Variants in HDAC9 observed in about 807,000 individuals in gnomAD.
HDAC9 encodes MEF-2 interacting transcription repressor (MITR) protein.
Under a neutral mutation model 139.4 loss-of-function variants are expected in HDAC9, and 41 were observed. That is an observed-to-expected ratio of 0.29 (90% CI 0.23 to 0.38). The LOEUF is 0.38. Among genes scored for constraint, HDAC9 ranks in the 10% least tolerant of loss-of-function variants. The probability of loss-of-function intolerance (pLI) is 1.00; values close to 1 mark genes in which losing one functional copy is unlikely to be tolerated. For synonymous variants in HDAC9, 517 were observed against 476.2 expected, an observed-to-expected ratio of 1.09 and a Z score of -1.12; for missense variants, 1,147 against 1,297.0, an observed-to-expected ratio of 0.88 and a Z score of 1.78.
intron 6 of HDAC9, among the ~76,000 whole-genome samples, chr7:18,623,895 C>T (rs981003225): frequency 3.3e-5 from 5 of 152,060 alleles, no homozygotes; most frequent in East Asian, 1.9e-4. Context: ...GCCAAGATCA[C>T]GGCACTGCAT....
rs801517 is a variant in HDAC9 at position 18,614,153 on chromosome 7, A to T, written c.665-15197A>T. ...GAATAGGTTGATCAGGACTGCCTTCATTTTTTTTCCTCTAAGTTCTTTTAT... is the reference window on the plus strand; with the variant it reads ...GAATAGGTTGATCAGGACTGCCTTCTTTTTTTTTCCTCTAAGTTCTTTTAT... On this transcript the variant is annotated intron_variant, in intron 6 of 25. Transcript: ENST00000686413. Among the ~76,000 whole-genome samples, 938 of 151,752 alleles carry T rather than the reference A, an allele frequency of 6.2e-3. 13 individuals are homozygous for T. Among genetic ancestry groups the T allele is most frequent in the African/African-American group, 0.022 (896 of 41,378 alleles).
chr7:18,678,072 G>A (rs1781637530), intron 12 of HDAC9, among the ~76,000 whole-genome samples: 1 of 151,744 alleles, frequency 6.6e-6, no homozygotes, highest in African/African-American at 2.4e-5. Flanking sequence ...TTGCTCCTTT[G>A]AATTATTCTG....
intron 17 of HDAC9, among the ~76,000 whole-genome samples, chr7:18,810,349 AG>A (rs1794079399): frequency 1.3e-5 from 2 of 151,930 alleles, no homozygotes; most frequent in Admixed American, 6.6e-5. Context: ...TTGCTATTTA[AG>A]GTAACATTCA....
chr7:18,832,938 G>A (rs1190488983), intron 19 of HDAC9, among the ~76,000 whole-genome samples: 1 of 152,096 alleles, frequency 6.6e-6, no homozygotes, highest in African/African-American at 2.4e-5. Context: ...GTTTCTCCAT[G>A]TAGGTCAGGC....
At chr7:18,721,726 A>G (rs901193726) in intron 12 of HDAC9, among the ~76,000 whole-genome samples, 12 of 152,220 alleles carry the variant, frequency 7.9e-5, no homozygotes, top group African/African-American at 2.9e-4. Flanking sequence ...GCAACAAGAA[A>G]GCAAAGCAAA....
At chr7:18,514,741 A>G (rs1196984981) in intron 2 of HDAC9, among the ~76,000 whole-genome samples, 2 of 152,108 alleles carry the variant, frequency 1.3e-5, no homozygotes, top group East Asian at 3.8e-4. Context: ...GGAGTTTGAG[A>G]CTATCCAGGG....
chr7:18,200,190 A>T (rs570530599), intron 2 of HDAC9, among the ~76,000 whole-genome samples: 30 of 152,226 alleles, frequency 2.0e-4, no homozygotes, highest in African/African-American at 7.2e-4. Context: ...TTAAAAATAC[A>T]CAGGTCTGTT....
chr7:18,377,824 T>C (rs1480240741), intron 1 of HDAC9, among the ~76,000 whole-genome samples: 3 of 152,204 alleles, frequency 2.0e-5, no homozygotes, highest in Non-Finnish European at 4.4e-5. Context: ...TCTGCAGTTA[T>C]CCATACAAAG....
At chr7:18,318,896 C>T (rs975603088) in intron 1 of HDAC9, among the ~76,000 whole-genome samples, 2 of 152,134 alleles carry the variant, frequency 1.3e-5, no homozygotes, top group Admixed American at 6.5e-5. Flanking sequence ...CAGACTTTTG[C>T]TCCTCAAAGT....
At chr7:18,891,595 G>A (rs1800685904) in intron 22 of HDAC9, among the ~76,000 whole-genome samples, 1 of 152,162 alleles carries the variant, frequency 6.6e-6, no homozygotes, top group Admixed American at 6.5e-5. Flanking sequence ...AAGGATGGTG[G>A]CAAGTCTGGC....
chr7:18,345,046 G>C (rs1404803831), intron 1 of HDAC9, among the ~76,000 whole-genome samples: 2 of 151,936 alleles, frequency 1.3e-5, no homozygotes, highest in African/African-American at 4.8e-5. Flanking sequence ...GGAAATAAGA[G>C]AAGATGAAGT....
chr7:18,567,687 T>C (rs1280895361), intron 2 of HDAC9, among the ~76,000 whole-genome samples: 1 of 152,152 alleles, frequency 6.6e-6, no homozygotes, highest in Non-Finnish European at 1.5e-5. Context: ...TAAATATTTT[T>C]CCCATAGTTT....
intron 12 of HDAC9, among the ~76,000 whole-genome samples, chr7:18,707,838 A>G (rs1784047405): frequency 6.9e-6 from 1 of 145,422 alleles, no homozygotes; most frequent in Non-Finnish European, 1.5e-5. Flanking sequence ...TGAAGGGAAC[A>G]CAGGGAGGGG....
chr7:18,708,541 G>T (rs1003525858), intron 12 of HDAC9, among the ~76,000 whole-genome samples: 14 of 152,176 alleles, frequency 9.2e-5, no homozygotes, highest in African/African-American at 2.9e-4. Flanking sequence ...ATTATTTTGA[G>T]TGCCTGAAGT....
At chr7:18,785,119 G>C (rs929196) in intron 16 of HDAC9, among the ~76,000 whole-genome samples, 119,152 of 151,948 alleles carry the variant, frequency 0.78, 47,441 homozygotes, top group Non-Finnish European at 0.85. Flanking sequence ...GTATTAAGGA[G>C]TGGTAAGGTG....
At chr7:18,755,374 A>C (rs999458242) in intron 14 of HDAC9, among the ~76,000 whole-genome samples, 4 of 152,170 alleles carry the variant, frequency 2.6e-5, no homozygotes, top group Non-Finnish European at 5.9e-5. Context: ...TTCTGAGTCC[A>C]TTTGGAAAGT....
At chr7:18,456,307 A>C (rs1793341136) in intron 1 of HDAC9, among the ~76,000 whole-genome samples, 1 of 151,836 alleles carries the variant, frequency 6.6e-6, no homozygotes, top group Admixed American at 6.6e-5. Context: ...TGTGATCTCC[A>C]CTCACTGCAA....
At chr7:18,699,400 G>C (rs1418322938) in intron 12 of HDAC9, among the ~76,000 whole-genome samples, 1 of 151,998 alleles carries the variant, frequency 6.6e-6, no homozygotes, top group African/African-American at 2.4e-5. Context: ...TTGTGTGTGT[G>C]TGTACGTGTG....
At chr7:18,572,184 T>C (rs763868766) in intron 2 of HDAC9, among the ~76,000 whole-genome samples, 9 of 151,758 alleles carry the variant, frequency 5.9e-5, no homozygotes, top group Non-Finnish European at 1.0e-4. Flanking sequence ...TATACTAGGT[T>C]CCGGAGTTAT....
Sources: gnomAD v4.1 joint callset for allele counts (sites outside exome capture counted in the v4.1 genomes callset) on GRCh38, gnomAD v4.1.1 for gene constraint, MANE v1.5 for transcripts, NCBI Gene and HGNC (gene_info 2026-07-23, HGNC 2026-07-21) for gene names.